Variants in TCAIM observed in about 807,000 individuals in gnomAD.
The protein encoded by TCAIM is T cell activation inhibitor, mitochondrial.
Under a neutral mutation model 58.6 loss-of-function variants are expected in TCAIM, and 36 were observed. The ratio of observed to expected loss-of-function variants is 0.61; its 90% confidence interval spans 0.47 to 0.81. The LOEUF (loss-of-function observed/expected upper bound fraction) is 0.81, where lower values mean the gene tolerates loss of function less well. Among genes scored for constraint, TCAIM ranks in the 30% least tolerant of loss-of-function variants. TCAIM has a pLI of 0.00. For missense variants in TCAIM, 466 were observed against 579.6 expected (o/e 0.80, Z 2.01); for synonymous variants, 172 against 193.6 (o/e 0.89, Z 0.93).
At chr3:44,346,757 G>T (rs1700978982) in intron 1 of TCAIM, among the ~76,000 whole-genome samples, 1 of 152,186 alleles carries the variant, frequency 6.6e-6, no homozygotes, top group Admixed American at 6.5e-5. Flanking sequence ...TGAAGGCTAG[G>T]CTAAAACAGT....
intron 6 of TCAIM, among the ~76,000 whole-genome samples, chr3:44,395,114 GT>G (rs1286480655): frequency 6.6e-6 from 1 of 150,460 alleles, no homozygotes; most frequent in African/African-American, 2.4e-5. Flanking sequence ...TAATGACATT[GT>G]TTTTCATTCT....
intron 10 of TCAIM, 78 bp downstream of exon 10, chr3:44,401,412 T>C: frequency 6.4e-7 from 1 of 1,563,024 alleles, no homozygotes; most frequent in Non-Finnish European, 8.7e-7. Flanking sequence ...CTCATAAATA[T>C]GGGACCTGGA....
chr3:44,338,872 C>G (rs1362426693), intron 1 of TCAIM, 38 bp downstream of exon 1: 1 of 152,254 alleles, frequency 6.6e-6, no homozygotes, highest in Non-Finnish European at 1.5e-5. Flanking sequence ...GTGGTGCATT[C>G]ATGCTCCTCT....
chr3:44,354,204 T>G (rs1701148101), intron 1 of TCAIM, among the ~76,000 whole-genome samples: 1 of 152,236 alleles, frequency 6.6e-6, no homozygotes, highest in Admixed American at 6.5e-5. Context: ...CTTTGTTCCT[T>G]TGCCAAAGAT....
chr3:44,396,561 T>C, intron 7 of TCAIM, 64 bp downstream of exon 7: 2 of 1,512,866 alleles, frequency 1.3e-6, no homozygotes, highest in East Asian at 2.3e-5. Flanking sequence ...TAAATTTTAA[T>C]GGAAAAACCA....
chr3:44,384,742 A>G (rs1398410496), intron 5 of TCAIM, among the ~76,000 whole-genome samples: 1 of 152,200 alleles, frequency 6.6e-6, no homozygotes, highest in African/African-American at 2.4e-5. Flanking sequence ...ATAACTTCCT[A>G]AGGATCTTTC....
chr3:44,357,603 A>G (rs1349141151), intron 2 of TCAIM, 138 bp from the exon 3 acceptor site: 2 of 1,147,544 alleles, frequency 1.7e-6, no homozygotes, highest in African/African-American at 1.6e-5. Flanking sequence ...TGTAAAACTA[A>G]TAGATTTCAG....
rs1230429791 is a variant in TCAIM, at chr3:44,338,769, C to G, written c.-110C>G. On this transcript the variant is annotated 5_prime_UTR_variant, in exon 1 of 11. Coordinates refer to ENST00000342649, the MANE Select transcript of TCAIM (RefSeq NM_173826.4). ...GCGGGCGGAGCGACTGTCCTCCCTT[C>G]TGGTGTACTGGGTGGGAGGTGGAAC... The G allele has an allele frequency of 6.6e-6, 1 of 152,310 alleles. No individual in the cohort carries two copies. The highest frequency in any genetic ancestry group is 1.5e-5 in the Non-Finnish European group (1 of 68,108). 9.4% of individuals were successfully genotyped at this position (152,310 alleles called of 1,614,324 possible). A position where few individuals can be genotyped will look rare whatever the true frequency, so the allele number is the denominator to read the frequency against.
intron 1 of TCAIM, chr3:44,340,757 T>G (rs1228240126): frequency 2.0e-5 from 3 of 152,200 alleles, no homozygotes; most frequent in African/African-American, 7.2e-5. Flanking sequence ...CCACCCAGAT[T>G]CTGATTCTGC....
chr3:44,394,928 A>G (rs1247235568), intron 6 of TCAIM, among the ~76,000 whole-genome samples: 1 of 21,126 alleles, frequency 4.7e-5, no homozygotes, highest in African/African-American at 1.9e-4. Flanking sequence ...AAAAATATAT[A>G]TATATATATA....
In TCAIM at chr3:44,396,408, G is replaced by A; in HGVS notation, c.704G>A (p.Arg235Lys). 6.2e-7 allele frequency: 1 copy of A among 1,612,936 alleles called. No individual in the cohort carries two copies. The highest frequency in any genetic ancestry group is 8.5e-7 in the Non-Finnish European group (1 of 1,179,658). ...GTGCTCTGTTGGCCTAGGTGGCAGA[G>A]GAGCTGGGGCATCGCCCACCGCTGT... ...QLQLSDIRWQRSWGIAHRCSQ... is the reference protein window; with the variant it reads ...QLQLSDIRWQKSWGIAHRCSQ... The change falls in exon 7 of 11, where the codon AGG (arginine) becomes AAG (lysine). Residue 235 changes from arginine to lysine, a missense_variant. Coordinates refer to ENST00000342649, the MANE Select transcript of TCAIM (RefSeq NM_173826.4).
At chr3:44,341,784 A>G (rs1700859354) in intron 1 of TCAIM, among the ~76,000 whole-genome samples, 1 of 152,204 alleles carries the variant, frequency 6.6e-6, no homozygotes, top group Admixed American at 6.5e-5. Flanking sequence ...TATTCTACTT[A>G]AGCTTCACAA....
intron 6 of TCAIM, among the ~76,000 whole-genome samples, chr3:44,393,375 C>A (rs114722470): frequency 0.013 from 1,921 of 152,178 alleles, 16 homozygotes; most frequent in Non-Finnish European, 0.019. Flanking sequence ...GCAAGAGGAT[C>A]ACTTAAGCCC....
chr3:44,374,286 CT>C (rs753252645), intron 5 of TCAIM, among the ~76,000 whole-genome samples: 4,732 of 119,742 alleles, frequency 0.04, 217 homozygotes, highest in African/African-American at 0.13. Context: ...GCTTTGCTTT[CT>C]TTTTTTTTTT....
rs763270407 is a variant in TCAIM, at chr3:44,408,657, C to G, written c.*975C>G. 4 of 152,122 alleles carry G rather than the reference C, an allele frequency of 2.6e-5. No individual in the cohort carries two copies. Among genetic ancestry groups the G allele is most frequent in the African/African-American group, 4.8e-5 (2 of 41,422 alleles). The allele number at this position is 152,122 out of a possible 1,614,324, so 9.4% of individuals were successfully genotyped here. ...CAGGAAAAGCCTTGCTTGCCTGTTT[C>G]CCAAAGAGCTCTAAGAAATAGAATC... is the stretch of plus-strand genomic sequence containing the variant. On this transcript the variant is annotated 3_prime_UTR_variant, in exon 11 of 11. Coordinates refer to ENST00000342649, the MANE Select transcript of TCAIM (RefSeq NM_173826.4).
intron 5 of TCAIM, among the ~76,000 whole-genome samples, chr3:44,391,042 A>G (rs1701826107): frequency 6.6e-6 from 1 of 152,174 alleles, no homozygotes; most frequent in South Asian, 2.1e-4. Flanking sequence ...TTGGGTAGCC[A>G]GTGACCCTGA....
At chr3:44,386,945 C>T (rs9311355) in intron 5 of TCAIM, among the ~76,000 whole-genome samples, 70,282 of 151,886 alleles carry the variant, frequency 0.46, 18,158 homozygotes, top group East Asian at 0.8. Context: ...ACTGGGCTGC[C>T]GGTTCCAGGT....
At chr3:44,357,622 A>G (rs1409677471) in intron 2 of TCAIM, 119 bp from the exon 3 acceptor site, 4 of 1,306,656 alleles carry the variant, frequency 3.1e-6, no homozygotes, top group Non-Finnish European at 4.0e-6. Flanking sequence ...AGAAAACCAC[A>G]AAGTATCTAT....
At chr3:44,401,100 TTGA>T in intron 9 of TCAIM, 100 bp from the exon 10 acceptor site, 2 of 1,499,644 alleles carry the variant, frequency 1.3e-6, no homozygotes, top group Non-Finnish European at 1.8e-6. Context: ...GTGGCTTTTC[TTGA>T]TGATTTTTTT....
Sources: allele counts gnomAD v4.1 joint callset (sites outside exome capture counted in the v4.1 genomes callset), GRCh38; gene constraint gnomAD v4.1.1; transcripts MANE v1.5; gene names NCBI Gene and HGNC (gene_info 2026-07-23, HGNC 2026-07-21).